Variants in CCSER1 observed in about 807,000 individuals in gnomAD.
The protein encoded by CCSER1 is coiled-coil serine rich protein 1, also known as serine-rich coiled-coil domain-containing protein 1.
CCSER1 carries 41 observed loss-of-function variants against 82.0 expected under a neutral mutation model. That is an observed-to-expected ratio of 0.50 (90% confidence interval 0.39 to 0.65). The LOEUF (loss-of-function observed/expected upper bound fraction) is 0.65, where lower values mean the gene tolerates loss of function less well. Ranked by LOEUF, CCSER1 falls within the 30% of genes least tolerant of loss-of-function variation. The pLI, the probability that CCSER1 is intolerant of heterozygous loss-of-function variation, is 0.00. For missense variants in CCSER1, 1,119 were observed against 1,064.2 expected, an observed-to-expected ratio of 1.05 and a Z score of -0.72; for synonymous variants, 414 against 383.9, an observed-to-expected ratio of 1.08 and a Z score of -0.92.
chr4:90,721,309 G>A (rs1404444553), intron 6 of CCSER1, among the ~76,000 whole-genome samples: 3 of 151,836 alleles, frequency 2.0e-5, no homozygotes, highest in East Asian at 3.9e-4. Flanking sequence ...ACCAGGTTAA[G>A]AACACTTGTT....
At chr4:90,844,349 C>A (rs944368134) in intron 8 of CCSER1, among the ~76,000 whole-genome samples, 5 of 152,074 alleles carry the variant, frequency 3.3e-5, no homozygotes, top group African/African-American at 1.2e-4. Flanking sequence ...CATTGATTCA[C>A]ATTTTTACAG....
At chr4:91,382,400 G>A (rs1223490067) in intron 10 of CCSER1, among the ~76,000 whole-genome samples, 2 of 152,182 alleles carry the variant, frequency 1.3e-5, no homozygotes. Context: ...TCAAGCCTCA[G>A]CAATGGCGGG....
intron 6 of CCSER1, among the ~76,000 whole-genome samples, chr4:90,712,522 C>A (rs1740825263): frequency 1.3e-5 from 2 of 151,844 alleles, no homozygotes; most frequent in Non-Finnish European, 2.9e-5. Context: ...GATTTAAAAT[C>A]TTTTGCATTT....
intron 10 of CCSER1, among the ~76,000 whole-genome samples, chr4:91,339,878 G>T (rs191351467): frequency 6.6e-6 from 1 of 152,198 alleles, no homozygotes; most frequent in Non-Finnish European, 1.5e-5. Context: ...CAGCACTTTG[G>T]GAGGCTGAAG....
chr4:90,752,820 G>A (rs1048951948), intron 7 of CCSER1, among the ~76,000 whole-genome samples: 1 of 151,946 alleles, frequency 6.6e-6, no homozygotes, highest in Non-Finnish European at 1.5e-5. Flanking sequence ...CACATGGATG[G>A]CTACCAGGAA....
At chr4:91,484,704 A>G (rs1464568740) in intron 10 of CCSER1, among the ~76,000 whole-genome samples, 1 of 152,154 alleles carries the variant, frequency 6.6e-6, no homozygotes, top group Non-Finnish European at 1.5e-5. Context: ...AGTGATTCTC[A>G]AAGTGTGATC....
At chr4:91,465,994 C>A (rs1578532031) in intron 10 of CCSER1, among the ~76,000 whole-genome samples, 1 of 152,194 alleles carries the variant, frequency 6.6e-6, no homozygotes, top group Admixed American at 6.5e-5. Context: ...TCCTCCCTAA[C>A]TCATTTTATG....
intron 3 of CCSER1, among the ~76,000 whole-genome samples, chr4:90,393,733 G>A (rs1179918891): frequency 6.8e-6 from 1 of 147,204 alleles, no homozygotes; most frequent in African/African-American, 2.5e-5. Context: ...AAACTACTGG[G>A]TTGTTTGGGA....
chr4:90,873,665 T>G (rs1239644271), intron 8 of CCSER1, among the ~76,000 whole-genome samples: 1 of 152,134 alleles, frequency 6.6e-6, no homozygotes, highest in Non-Finnish European at 1.5e-5. Context: ...ACAGATCATC[T>G]TAAGTGTTAA....
At chr4:91,538,273 A>G (rs1761398490) in intron 10 of CCSER1, among the ~76,000 whole-genome samples, 2 of 152,158 alleles carry the variant, frequency 1.3e-5, no homozygotes, top group East Asian at 3.9e-4. Context: ...AAAATAATTG[A>G]AGAAGGGAAA....
chr4:90,832,189 GAAATA>G (rs1390495401), intron 8 of CCSER1, among the ~76,000 whole-genome samples: 3 of 151,664 alleles, frequency 2.0e-5, no homozygotes, highest in Admixed American at 1.3e-4. Context: ...TTGCCTTCTT[GAAATA>G]AAATAAAAAT....
chr4:90,530,048 T>G (rs925852736), intron 5 of CCSER1, among the ~76,000 whole-genome samples: 2 of 151,934 alleles, frequency 1.3e-5, no homozygotes, highest in Non-Finnish European at 2.9e-5. Context: ...TGCATTAGGA[T>G]TAAAAGCACA....
intron 10 of CCSER1, among the ~76,000 whole-genome samples, chr4:91,093,479 T>C (rs1291566898): frequency 6.6e-6 from 1 of 152,208 alleles, no homozygotes; most frequent in Non-Finnish European, 1.5e-5. Context: ...ATGGTGTCCT[T>C]TGGTATTTGT....
chr4:91,450,191 T>G (rs907778665), intron 10 of CCSER1, among the ~76,000 whole-genome samples: 1 of 152,004 alleles, frequency 6.6e-6, no homozygotes, highest in Non-Finnish European at 1.5e-5. Context: ...AGGGAGAGAC[T>G]CTTCTACTCA....
At chr4:90,938,151 C>G (rs1731179787) in intron 9 of CCSER1, among the ~76,000 whole-genome samples, 1 of 151,858 alleles carries the variant, frequency 6.6e-6, no homozygotes, top group Non-Finnish European at 1.5e-5. Flanking sequence ...CTTAAAATTG[C>G]AATAAAGTTT....
intron 9 of CCSER1, among the ~76,000 whole-genome samples, chr4:91,017,643 A>C (rs1442082475): frequency 6.6e-6 from 1 of 152,074 alleles, no homozygotes; most frequent in Non-Finnish European, 1.5e-5. Flanking sequence ...AGGATGTATG[A>C]GAAGGGGAAA....
chr4:90,313,869 C>T (rs962438815), intron 3 of CCSER1, among the ~76,000 whole-genome samples: 3 of 152,184 alleles, frequency 2.0e-5, no homozygotes, highest in Admixed American at 2.0e-4. Context: ...GTGTATTTAA[C>T]ATCTATTATC....
chr4:90,384,204 A>G (rs2153533653), intron 3 of CCSER1, among the ~76,000 whole-genome samples: 1 of 151,828 alleles, frequency 6.6e-6, no homozygotes, highest in South Asian at 2.1e-4. Context: ...GGTTTGTTAC[A>G]TATGTATATA....
At chr4:90,220,058 T>C (rs1347368157) in intron 1 of CCSER1, among the ~76,000 whole-genome samples, 5 of 152,194 alleles carry the variant, frequency 3.3e-5, no homozygotes, top group Non-Finnish European at 7.4e-5. Flanking sequence ...TAGGTATGTA[T>C]AGTACAATAA....
Sources: allele counts gnomAD v4.1 joint callset (sites outside exome capture counted in the v4.1 genomes callset), GRCh38; gene constraint gnomAD v4.1.1; transcripts MANE v1.5; gene names NCBI Gene and HGNC (gene_info 2026-07-23, HGNC 2026-07-21).